Variants in COL26A1 observed in about 807,000 individuals in gnomAD.
The protein encoded by COL26A1 is collagen alpha-1(XXVI) chain.
Under a neutral mutation model 59.3 loss-of-function variants are expected in COL26A1, and 41 were observed. That is an observed-to-expected ratio of 0.69 (90% confidence interval 0.54 to 0.90). COL26A1 has a LOEUF of 0.90. Ranked by LOEUF, COL26A1 falls within the 40% of genes least tolerant of loss-of-function variation. The pLI is 0.00. For synonymous variants in COL26A1, 266 were observed against 256.0 expected, an observed-to-expected ratio of 1.04 and a Z score of -0.37; for missense variants, 612 against 602.3, an observed-to-expected ratio of 1.02 and a Z score of -0.17.
intron 3 of COL26A1, among the ~76,000 whole-genome samples, chr7:101,519,073 T>C (rs1795087753): frequency 6.6e-6 from 1 of 152,204 alleles, no homozygotes; most frequent in Non-Finnish European, 1.5e-5. Context: ...ATTAATTTAA[T>C]CAAACAGACC....
intron 1 of COL26A1, among the ~76,000 whole-genome samples, chr7:101,384,499 A>T (rs1791523492): frequency 6.6e-6 from 1 of 152,054 alleles, no homozygotes; most frequent in African/African-American, 2.4e-5. Flanking sequence ...AAGTGCTGGG[A>T]TTACAGACAT....
At chr7:101,417,035 C>T (rs1331841650) in intron 1 of COL26A1, among the ~76,000 whole-genome samples, 1 of 152,172 alleles carries the variant, frequency 6.6e-6, no homozygotes, top group Admixed American at 6.6e-5. Flanking sequence ...AGCCACCATG[C>T]CTGGCCAGAA....
chr7:101,442,692 G>A (rs1793088142), intron 2 of COL26A1, among the ~76,000 whole-genome samples: 1 of 152,146 alleles, frequency 6.6e-6, no homozygotes, highest in African/African-American at 2.4e-5. Flanking sequence ...TTAGTCCTCA[G>A]GTATGTGAGC....
In COL26A1 at chr7:101,390,410, G is replaced by A. The variant is rs114526499; in HGVS notation, c.158+27220G>A. On this transcript the variant is annotated intron_variant, in intron 1 of 12. Transcript: ENST00000313669. ...CTCAATGTGCTAGGATTACAGATGTGAGGCACTGAGCCTGGCTTTAGTTTT... is the reference window on the plus strand; with the variant it reads ...CTCAATGTGCTAGGATTACAGATGTAAGGCACTGAGCCTGGCTTTAGTTTT... 2.5e-3 allele frequency among the ~76,000 whole-genome samples: 387 copies of A among 152,186 alleles called. 3 individuals carry two copies. Among genetic ancestry groups the A allele is most frequent in the African/African-American group, 8.9e-3 (368 of 41,540 alleles).
chr7:101,413,710 A>C (rs1792302010), intron 1 of COL26A1, among the ~76,000 whole-genome samples: 1 of 152,144 alleles, frequency 6.6e-6, no homozygotes, highest in African/African-American at 2.4e-5. Context: ...CATTGCTGAG[A>C]TGATGCCCAG....
In COL26A1 at chr7:101,449,521, C is replaced by T. The variant is rs572869380; in HGVS notation, c.385+1734C>T. 8.2e-4 allele frequency among the ~76,000 whole-genome samples: 125 copies of T among 152,338 alleles called. 4 individuals carry two copies. The South Asian group carries it at 0.025, about 31-fold the overall frequency. ...TGGTGGCTTATGACTGTAATCCCAG[C>T]ATTTCAGGAGGCTGAAGCCGGAGGA... On this transcript the variant is annotated intron_variant, in intron 3 of 12. Transcript: ENST00000313669.
At chr7:101,405,699 CT>C (rs1483760713) in intron 1 of COL26A1, among the ~76,000 whole-genome samples, 1 of 152,230 alleles carries the variant, frequency 6.6e-6, no homozygotes, top group African/African-American at 2.4e-5. Flanking sequence ...ATCTCTCCCC[CT>C]AGCCTGTTCC....
intron 1 of COL26A1, among the ~76,000 whole-genome samples, chr7:101,388,489 A>T (rs1791646086): frequency 6.6e-6 from 1 of 151,852 alleles, no homozygotes; most frequent in African/African-American, 2.4e-5. Flanking sequence ...CAGACAAACA[A>T]AAAGCCCCGA....
intron 1 of COL26A1, among the ~76,000 whole-genome samples, chr7:101,373,872 TA>T (rs1257265003): frequency 6.6e-6 from 1 of 152,182 alleles, no homozygotes; most frequent in Non-Finnish European, 1.5e-5. Flanking sequence ...TCTGTTATTT[TA>T]AAATCCATTC....
At chr7:101,469,019 C>CA (rs1562996151) in intron 3 of COL26A1, among the ~76,000 whole-genome samples, 1 of 152,136 alleles carries the variant, frequency 6.6e-6, no homozygotes, top group East Asian at 1.9e-4. Flanking sequence ...TCTCCCAGCA[C>CA]AAATGTTTCC....
At chr7:101,543,951 G>C in intron 5 of COL26A1, 47 bp from the exon 6 acceptor site, 1 of 1,396,662 alleles carries the variant, frequency 7.2e-7, no homozygotes, top group South Asian at 1.2e-5. Flanking sequence ...GCCACTGGAG[G>C]CTGGGGGTCC....
chr7:101,468,417 A>G (rs1176350012), intron 3 of COL26A1, among the ~76,000 whole-genome samples: 1 of 152,190 alleles, frequency 6.6e-6, no homozygotes, highest in Admixed American at 6.5e-5. Context: ...TAGCTCTTTT[A>G]TCACTTTGTA....
chr7:101,550,209 C>A (rs1264433378), intron 9 of COL26A1, among the ~76,000 whole-genome samples: 2 of 152,200 alleles, frequency 1.3e-5, no homozygotes, highest in Non-Finnish European at 2.9e-5. Context: ...GCCTGTAATC[C>A]CAGCACTTTG....
chr7:101,413,960 C>T (rs1232651355), intron 1 of COL26A1, among the ~76,000 whole-genome samples: 2 of 152,164 alleles, frequency 1.3e-5, no homozygotes, highest in South Asian at 2.1e-4. Context: ...AGCTGAGGTG[C>T]GCAGGTGGGC....
intron 1 of COL26A1, among the ~76,000 whole-genome samples, chr7:101,407,725 C>T (rs112739797): frequency 1.3e-3 from 193 of 151,934 alleles, no homozygotes; most frequent in African/African-American, 4.4e-3. Flanking sequence ...ATAAAACATA[C>T]CCCCTAGCAC....
intron 3 of COL26A1, among the ~76,000 whole-genome samples, chr7:101,480,337 A>T (rs1319515648): frequency 6.6e-6 from 1 of 152,058 alleles, no homozygotes; most frequent in Non-Finnish European, 1.5e-5. Flanking sequence ...TCCAAGTTAT[A>T]CTTAGTTCCT....
chr7:101,425,453 T>C (rs1401397505), intron 2 of COL26A1, among the ~76,000 whole-genome samples: 1 of 152,110 alleles, frequency 6.6e-6, no homozygotes, highest in East Asian at 1.9e-4. Context: ...CATTACTGAA[T>C]TGAGGTTAGG....
At chr7:101,473,229 G>A (rs373021443) in intron 3 of COL26A1, among the ~76,000 whole-genome samples, 4 of 151,876 alleles carry the variant, frequency 2.6e-5, no homozygotes, top group Admixed American at 6.6e-5. Flanking sequence ...ACAGGCGCCC[G>A]CCACCACGCC....
At chr7:101,377,585 C>G (rs1791349507) in intron 1 of COL26A1, among the ~76,000 whole-genome samples, 1 of 152,080 alleles carries the variant, frequency 6.6e-6, no homozygotes, top group Non-Finnish European at 1.5e-5. Flanking sequence ...CACTACCATG[C>G]CTGTATCATT....
Sources: gnomAD v4.1 joint callset for allele counts (sites outside exome capture counted in the v4.1 genomes callset) on GRCh38, gnomAD v4.1.1 for gene constraint, MANE v1.5 for transcripts, NCBI Gene and HGNC (gene_info 2026-07-23, HGNC 2026-07-21) for gene names.